SEC24B: variants seen among roughly 807,000 people sequenced by gnomAD.
SEC24B encodes the protein SEC24 homolog B, COPII component, also known as protein transport protein Sec24B.
A neutral mutation model predicts 142.8 loss-of-function variants in SEC24B; 45 were observed. That is an observed-to-expected ratio of 0.32 (90% CI 0.25 to 0.40). SEC24B has a LOEUF of 0.40. SEC24B is among the 10% of genes least tolerant of loss of function. The pLI is 1.00. For missense variants in SEC24B, 1,409 were observed against 1,526.8 expected, an observed-to-expected ratio of 0.92 and a Z score of 1.29; for synonymous variants, 574 against 568.2, an observed-to-expected ratio of 1.01 and a Z score of -0.15.
intron 6 of SEC24B, among the ~76,000 whole-genome samples, chr4:109,506,097 CATT>C (rs1186939070): frequency 3.9e-5 from 6 of 152,026 alleles, no homozygotes; most frequent in Non-Finnish European, 7.4e-5. Context: ...TGTTGAAAAG[CATT>C]GTTGCTGAAA....
chr4:109,531,212 T>G (rs1724893825), intron 19 of SEC24B, among the ~76,000 whole-genome samples, 173 bp from the exon 20 acceptor site: 1 of 152,206 alleles, frequency 6.6e-6, no homozygotes, highest in Admixed American at 6.5e-5. Context: ...TCAGAGGAGC[T>G]AGGTAACTTG....
At chr4:109,441,743 C>G (rs1728948755) in intron 1 of SEC24B, among the ~76,000 whole-genome samples, 1 of 152,192 alleles carries the variant, frequency 6.6e-6, no homozygotes, top group Non-Finnish European at 1.5e-5. Context: ...ACTCATAGCA[C>G]TCATTGTCGT....
intron 11 of SEC24B, among the ~76,000 whole-genome samples, chr4:109,519,780 G>A (rs1723406928): frequency 6.6e-6 from 1 of 152,158 alleles, no homozygotes; most frequent in South Asian, 2.1e-4. Flanking sequence ...TTGCTTCGAT[G>A]CATATTCTAT....
intron 3 of SEC24B, among the ~76,000 whole-genome samples, chr4:109,476,691 A>C (rs908056916): frequency 8.0e-6 from 1 of 125,608 alleles, no homozygotes; most frequent in Non-Finnish European, 1.5e-5. Flanking sequence ...TGTTAACATT[A>C]TTATTTCATA....
intron 1 of SEC24B, among the ~76,000 whole-genome samples, chr4:109,437,073 T>C (rs970608413): frequency 4.6e-5 from 7 of 152,224 alleles, no homozygotes; most frequent in African/African-American, 1.7e-4. Flanking sequence ...GTGATACTTA[T>C]GATAGGCATC....
Position 109,483,012 on chromosome 4 carries a change from CAT to C in SEC24B, c.1165+1234_1165+1235del, listed in dbSNP as rs1169176613. On this transcript the variant is annotated intron_variant, in intron 4 of 23. Transcript: ENST00000265175. The stretch of plus-strand genomic sequence containing the variant: ...CACACACACACACACACATATTATA[CAT>C]ATGTTTTTTATATATGTATTTATAT... 2.5e-4 allele frequency among the ~76,000 whole-genome samples: 15 copies of C among 59,230 alleles called. 1 individual carries two copies. The highest frequency in any genetic ancestry group is 1.3e-3 in the East Asian group (3 of 2,388). 38.9% of individuals were successfully genotyped at this position (59,230 alleles called of 152,430 possible). A position where few individuals can be genotyped will look rare whatever the true frequency, so the allele number is the denominator to read the frequency against.
At chr4:109,528,665 A>G (rs1340627033) in intron 18 of SEC24B, among the ~76,000 whole-genome samples, 1 of 152,132 alleles carries the variant, frequency 6.6e-6, no homozygotes, top group African/African-American at 2.4e-5. Context: ...TACTTAAACT[A>G]ATTATATGTA....
At position 109,456,334 on chromosome 4, in the gene SEC24B, GTTTTTTTTT is replaced by G. The variant is rs70949081; in HGVS notation, c.134-6556_134-6548del. ...CTGCAAATAAAGACAGGTTTTTTTT[GTTTTTTTTT>G]TTTTTTTTTTACTCCTTTCCAGTCT... On this transcript the variant is annotated intron_variant, in intron 1 of 23. Coordinates refer to ENST00000265175, the MANE Select transcript of SEC24B (RefSeq NM_006323.5). Among the ~76,000 whole-genome samples, 11 of 94,106 alleles carry G rather than the reference GTTTTTTTTT, an allele frequency of 1.2e-4. 1 individual carries two copies. In the South Asian group the frequency reaches 1.8e-3, roughly 16 times the overall value. 61.7% of individuals were successfully genotyped at this position (94,106 alleles called of 152,430 possible). A position where few individuals can be genotyped will look rare whatever the true frequency, so the allele number is the denominator to read the frequency against.
Position 109,520,978 on chromosome 4 carries a change from G to A in SEC24B, c.2246-139G>A, listed in dbSNP as rs1723545830. On this transcript the variant is annotated intron_variant, in intron 12 of 23. Coordinates refer to ENST00000265175, the MANE Select transcript of SEC24B (RefSeq NM_006323.5). Reference sequence around the variant, plus strand: ...TTGCACTCCAGCCTGGGCAACAAGAGCAAAACTCCATCTCAAAAAAATAAA... The same window carrying A: ...TTGCACTCCAGCCTGGGCAACAAGAACAAAACTCCATCTCAAAAAAATAAA... 1.6e-5 allele frequency: 9 copies of A among 570,228 alleles called. No homozygotes were observed. The East Asian group carries it at 3.1e-4, about 20-fold the overall frequency. The allele number at this position is 570,228 out of a possible 1,614,324, so 35.3% of individuals were successfully genotyped here.
chr4:109,442,955 T>C (rs925135936), intron 1 of SEC24B, among the ~76,000 whole-genome samples: 10 of 152,310 alleles, frequency 6.6e-5, no homozygotes, highest in African/African-American at 2.4e-4. Flanking sequence ...TGTATTGTAA[T>C]ATTAGAATAA....
rs773314095 is a variant in SEC24B at position 109,538,604 on chromosome 4, C to A, written c.3692+8C>A. The A allele has an allele frequency of 3.3e-6, 5 of 1,515,246 alleles. No homozygotes were observed. The African/African-American group carries it at 6.9e-5, about 21-fold the overall frequency. 93.9% of individuals were successfully genotyped at this position (1,515,246 alleles called of 1,614,324 possible). Reference sequence around the variant, plus strand: ...AATCCTTCACATAGTAAAGTAAGTACTTTTGTAACTTAATTATGAAGTTGT... The same window carrying A: ...AATCCTTCACATAGTAAAGTAAGTAATTTTGTAACTTAATTATGAAGTTGT... On this transcript the variant is annotated splice_region_variant and intron_variant, in intron 23 of 23. Coordinates refer to ENST00000265175, the MANE Select transcript of SEC24B (RefSeq NM_006323.5).
At chr4:109,438,537 C>G (rs1728627294) in intron 1 of SEC24B, among the ~76,000 whole-genome samples, 1 of 152,180 alleles carries the variant, frequency 6.6e-6, no homozygotes, top group African/African-American at 2.4e-5. Context: ...AAGTGATCCT[C>G]CCATCTAGAC....
intron 6 of SEC24B, among the ~76,000 whole-genome samples, chr4:109,504,689 C>T (rs1372483583): frequency 6.6e-6 from 1 of 152,112 alleles, no homozygotes; most frequent in Non-Finnish European, 1.5e-5. Flanking sequence ...TGATTAGTGC[C>T]TCATACAATG....
intron 7 of SEC24B, among the ~76,000 whole-genome samples, chr4:109,509,594 G>A (rs1019107758): frequency 4.0e-5 from 6 of 150,958 alleles, no homozygotes; most frequent in East Asian, 3.9e-4. Context: ...GGAGAATGGC[G>A]TGAACCCAGG....
intron 1 of SEC24B, among the ~76,000 whole-genome samples, chr4:109,455,983 T>C (rs1006406116): frequency 6.6e-6 from 1 of 152,216 alleles, no homozygotes; most frequent in Non-Finnish European, 1.5e-5. Context: ...ATAAGTTACA[T>C]CATAATATCA....
At chr4:109,435,216 T>C (rs1322826982) in intron 1 of SEC24B, among the ~76,000 whole-genome samples, 1 of 152,252 alleles carries the variant, frequency 6.6e-6, no homozygotes, top group African/African-American at 2.4e-5. Flanking sequence ...AGTGATACTT[T>C]AGCCTTAATA....
intron 19 of SEC24B, 128 bp downstream of exon 19, chr4:109,530,592 G>C: frequency 2.5e-6 from 2 of 802,546 alleles, no homozygotes; most frequent in Non-Finnish European, 3.8e-6. Context: ...CATTGAAAGA[G>C]TTTTGAAGAA....
intron 22 of SEC24B, among the ~76,000 whole-genome samples, chr4:109,537,503 A>G (rs1327993706): frequency 6.6e-6 from 1 of 152,200 alleles, no homozygotes; most frequent in Non-Finnish European, 1.5e-5. Flanking sequence ...GCACTGTGCC[A>G]TGCACCTGTG....
At chr4:109,434,721 A>G (rs1728236194) in intron 1 of SEC24B, among the ~76,000 whole-genome samples, 1 of 152,220 alleles carries the variant, frequency 6.6e-6, no homozygotes, top group South Asian at 2.1e-4. Flanking sequence ...GATTTAAACG[A>G]ACATCTTTAG....
Sources: allele counts gnomAD v4.1 joint callset (sites outside exome capture counted in the v4.1 genomes callset), GRCh38; gene constraint gnomAD v4.1.1; transcripts MANE v1.5; gene names NCBI Gene and HGNC (gene_info 2026-07-23, HGNC 2026-07-21).